ADAMTS6: variants seen among roughly 807,000 people sequenced by gnomAD.
ADAMTS6 encodes the protein A disintegrin and metalloproteinase with thrombospondin motifs 6.
Under a neutral mutation model 144.3 loss-of-function variants are expected in ADAMTS6, and 23 were observed. That is an observed-to-expected ratio of 0.16 (90% CI 0.11 to 0.23). The LOEUF is 0.23. Ranked by LOEUF, ADAMTS6 falls within the 10% of genes least tolerant of loss-of-function variation. The probability of loss-of-function intolerance (pLI) is 1.00; values close to 1 mark genes in which losing one functional copy is unlikely to be tolerated. For synonymous variants in ADAMTS6, 444 were observed against 457.5 expected (o/e 0.97, Z 0.38); for missense variants, 999 against 1,379.6 (o/e 0.72, Z 4.37).
At position 65,295,267 on chromosome 5, in the gene ADAMTS6, A is replaced by G. The variant is rs534508854; in HGVS notation, c.1371-3797T>C. Among the ~76,000 whole-genome samples the G allele has an allele frequency of 2.3e-3, 354 of 152,234 alleles. 3 individuals carry two copies. The highest frequency in any genetic ancestry group is 8.0e-3 in the African/African-American group (334 of 41,558). ...TGCAATTACTTTAATGGCAAAAACC[A>G]CAATTACCTTTGTGCCAACCTAATA... On this transcript the variant is annotated intron_variant, in intron 10 of 24. Transcript: ENST00000381055.
At chr5:65,172,274 C>T (rs1435980297) in intron 23 of ADAMTS6, among the ~76,000 whole-genome samples, 7 of 150,188 alleles carry the variant, frequency 4.7e-5, no homozygotes, top group African/African-American at 1.5e-4. Flanking sequence ...ATTAGCTGGG[C>T]GTAGTGGCAG....
intron 7 of ADAMTS6, among the ~76,000 whole-genome samples, chr5:65,393,655 C>A (rs1753102578): frequency 1.3e-5 from 2 of 152,146 alleles, no homozygotes; most frequent in Middle Eastern, 3.2e-3. Flanking sequence ...GCATGAATTT[C>A]TGGAGTTTTA....
At chr5:65,347,336 GA>G (rs1267267944) in intron 7 of ADAMTS6, among the ~76,000 whole-genome samples, 1 of 151,940 alleles carries the variant, frequency 6.6e-6, no homozygotes, top group Non-Finnish European at 1.5e-5. Flanking sequence ...AGAGAGCCCA[GA>G]AATAAATCTG....
chr5:65,333,983 C>T, intron 8 of ADAMTS6, 59 bp downstream of exon 8: 1 of 1,193,678 alleles, frequency 8.4e-7, no homozygotes, highest in Non-Finnish European at 1.0e-6. Context: ...CAATCAGAAC[C>T]ATTCTACCTT....
intron 15 of ADAMTS6, among the ~76,000 whole-genome samples, chr5:65,228,071 C>T (rs554148914): frequency 1.5e-4 from 23 of 152,132 alleles, no homozygotes; most frequent in Non-Finnish European, 2.4e-4. Context: ...TAATTTCTTC[C>T]CAAACTGATA....
chr5:65,265,829 G>T (rs1381757635), intron 12 of ADAMTS6, among the ~76,000 whole-genome samples: 2 of 151,700 alleles, frequency 1.3e-5, no homozygotes, highest in African/African-American at 4.8e-5. Context: ...ACTTGCCCAA[G>T]ATCACATACT....
chr5:65,209,288 C>G (rs1223879280), intron 20 of ADAMTS6, among the ~76,000 whole-genome samples: 1 of 152,074 alleles, frequency 6.6e-6, no homozygotes, highest in African/African-American at 2.4e-5. Context: ...CATATAAATT[C>G]GGGAGTCAGT....
At chr5:65,265,446 A>G (rs1053370059) in intron 12 of ADAMTS6, among the ~76,000 whole-genome samples, 1 of 152,124 alleles carries the variant, frequency 6.6e-6, no homozygotes, top group East Asian at 1.9e-4. Flanking sequence ...AAGTCACAAC[A>G]TCTGGCCAAA....
intron 7 of ADAMTS6, among the ~76,000 whole-genome samples, chr5:65,358,475 C>A (rs574938037): frequency 6.6e-6 from 1 of 152,004 alleles, no homozygotes; most frequent in Admixed American, 6.6e-5. Flanking sequence ...AGATTCTATA[C>A]AATCCTTACC....
chr5:65,317,508 A>G (rs1163300621), intron 9 of ADAMTS6, among the ~76,000 whole-genome samples: 2 of 152,218 alleles, frequency 1.3e-5, no homozygotes, highest in Admixed American at 1.3e-4. Context: ...GCAAAAATTT[A>G]CTGAGTAATA....
At chr5:65,355,331 A>T (rs1749222513) in intron 7 of ADAMTS6, among the ~76,000 whole-genome samples, 1 of 151,854 alleles carries the variant, frequency 6.6e-6, no homozygotes, top group South Asian at 2.1e-4. Context: ...CCTCCAAATA[A>T]CAAATTAGTT....
In ADAMTS6 at chr5:65,224,964, A is replaced by G. The variant is rs372262658; in HGVS notation, c.2151T>C (p.Asp717=). Reference sequence around the variant, plus strand: ...AATCATTGAAGAACCCTTCAATGGCATCACATGTGCTTCCGTCCCCTCCAC... The same window carrying G: ...AATCATTGAAGAACCCTTCAATGGCGTCACATGTGCTTCCGTCCCCTCCAC... ...RVCGGDGSTC[D]AIEGFFNDSL... is the part of the protein sequence containing the mutation. The change falls in exon 17 of 25, where the codon GAT becomes GAC. Residue 717 remains aspartate (D), a synonymous_variant. Coordinates refer to ENST00000381055, the MANE Select transcript of ADAMTS6 (RefSeq NM_197941.4). The G allele has an allele frequency of 1.5e-5, 24 of 1,613,968 alleles. No individual in the cohort carries two copies. Among genetic ancestry groups the G allele is most frequent in the Non-Finnish European group, 1.9e-5 (23 of 1,180,006 alleles).
At chr5:65,329,069 A>T (rs1459082750) in intron 9 of ADAMTS6, among the ~76,000 whole-genome samples, 1 of 152,160 alleles carries the variant, frequency 6.6e-6, no homozygotes, top group Non-Finnish European at 1.5e-5. Context: ...ATGCATTGTC[A>T]CTTGAGGAAA....
At chr5:65,372,188 T>TCGAGACTAGGCAGAAA (rs559970354) in intron 7 of ADAMTS6, among the ~76,000 whole-genome samples, 1 of 125,630 alleles carries the variant, frequency 8.0e-6, no homozygotes, top group Non-Finnish European at 1.6e-5. Flanking sequence ...GTAAAGACCA[T>TCGAGACTAGGCAGAAA]CTGCATCAAC....
intron 7 of ADAMTS6, among the ~76,000 whole-genome samples, chr5:65,407,716 A>AT (rs1383413204): frequency 1.3e-5 from 2 of 151,972 alleles, no homozygotes; most frequent in Non-Finnish European, 2.9e-5. Flanking sequence ...TATATGCCAC[A>AT]TTTTCTCAAT....
intron 11 of ADAMTS6, among the ~76,000 whole-genome samples, 178 bp downstream of exon 11, chr5:65,291,151 T>C (rs1388581861): frequency 2.0e-5 from 3 of 152,180 alleles, no homozygotes; most frequent in African/African-American, 7.2e-5. Context: ...CTTAGGATTA[T>C]TGAAACATTT....
intron 15 of ADAMTS6, among the ~76,000 whole-genome samples, chr5:65,226,822 A>T (rs1476995066): frequency 6.6e-6 from 1 of 152,168 alleles, no homozygotes; most frequent in African/African-American, 2.4e-5. Flanking sequence ...ACCTCAGGTG[A>T]TCCACCTGCT....
chr5:65,429,644 G>C (rs894402311), intron 7 of ADAMTS6, among the ~76,000 whole-genome samples: 1 of 151,966 alleles, frequency 6.6e-6, no homozygotes, highest in Non-Finnish European at 1.5e-5. Flanking sequence ...CCTATGTTTT[G>C]TATATGATAT....
intron 4 of ADAMTS6, 21 bp downstream of exon 4, chr5:65,460,149 A>G (rs746010828): frequency 6.2e-7 from 1 of 1,612,510 alleles, no homozygotes; most frequent in Non-Finnish European, 8.5e-7. Flanking sequence ...TACGCTTTGT[A>G]AAAGCTGCAC....
Sources: gnomAD v4.1 joint callset for allele counts (sites outside exome capture counted in the v4.1 genomes callset) on GRCh38, gnomAD v4.1.1 for gene constraint, MANE v1.5 for transcripts, NCBI Gene and HGNC (gene_info 2026-07-23, HGNC 2026-07-21) for gene names.